The following LOXL4 variants were observed in gnomAD, a reference collection of about 807,000 sequenced individuals.
LOXL4 encodes the protein lysyl oxidase homolog 4.
A neutral mutation model predicts 89.1 loss-of-function variants in LOXL4; 72 were observed. That is an observed-to-expected ratio of 0.81 (90% CI 0.67 to 0.98). The LOEUF (loss-of-function observed/expected upper bound fraction) is 0.98, where lower values mean the gene tolerates loss of function less well. Ranked by LOEUF, LOXL4 falls within the 50% of genes least tolerant of loss-of-function variation. LOXL4 has a pLI of 0.00. For synonymous variants in LOXL4, 355 were observed against 392.1 expected (o/e 0.91, Z 1.12); for missense variants, 984 against 1,017.5 (o/e 0.97, Z 0.45).
Position 98,257,729 on chromosome 10 carries a change from TC to T in LOXL4, c.1180del (p.Glu394LysfsTer47). 6.2e-7 allele frequency: 1 copy of T among 1,614,122 alleles called. No individual in the cohort carries two copies. The highest frequency in any genetic ancestry group is 8.5e-7 in the Non-Finnish European group (1 of 1,180,002). ...ATGTTGGCAACCATTCTGGGACCCTTCCAGGGCAGGGCAGTCGCTGAGGGTC... is the reference window on the plus strand; with the variant it reads ...ATGTTGGCAACCATTCTGGGACCCTTCAGGGCAGGGCAGTCGCTGAGGGTC... ...ERTLSDCPAL[E>X]GSQNGCQHEN... On this transcript the variant is annotated frameshift_variant, in exon 8 of 15. Coordinates refer to ENST00000260702, the MANE Select transcript of LOXL4 (RefSeq NM_032211.7). LOFTEE classifies it high-confidence loss of function.
At position 98,262,119 on chromosome 10, in the gene LOXL4, G is replaced by C; in HGVS notation, c.372C>G (p.His124Gln). 1 of 1,613,362 alleles carries C rather than the reference G, an allele frequency of 6.2e-7. No homozygotes were observed. Among genetic ancestry groups the C allele is most frequent in the Non-Finnish European group, 8.5e-7 (1 of 1,179,946 alleles). The change falls in exon 3 of 15, where the codon CAC (histidine) becomes CAG (glutamine). Residue 124 changes from histidine (H) to glutamine (Q), a missense_variant. Transcript: ENST00000260702. ...GGCATATCACCCCTACGTCTTCTGA[G>C]TGACTGCAGTCACTGACTCCCCAGC... ...SNGWGVSDCSHSEDVGVICHP... is the reference protein window; with the variant it reads ...SNGWGVSDCSQSEDVGVICHP...
Position 98,261,937 on chromosome 10 carries a change from C to T in LOXL4, c.456+98G>A. The T allele has an allele frequency of 2.3e-6, 3 of 1,279,090 alleles. No homozygotes were observed. In the South Asian group the frequency reaches 4.8e-5, roughly 21 times the overall value. The allele number at this position is 1,279,090 out of a possible 1,614,324, so 79.2% of individuals were successfully genotyped here. On this transcript the variant is annotated intron_variant, in intron 3 of 14. Transcript: ENST00000260702. ...GGACGATGCTCAGTGCAGACTGCAC[C>T]CTTTCCCCTCGCTTATCCTCTAGGC...
At chr10:98,262,494 C>T (rs1858572839) in intron 2 of LOXL4, among the ~76,000 whole-genome samples, 1 of 152,198 alleles carries the variant, frequency 6.6e-6, no homozygotes, top group African/African-American at 2.4e-5. Context: ...ATTCTCTAAG[C>T]ACCCACTGTG....
chr10:98,255,537 G>A (rs1264293777), intron 10 of LOXL4, 40 bp downstream of exon 10: 2 of 1,574,640 alleles, frequency 1.3e-6, no homozygotes, highest in Admixed American at 3.4e-5. Flanking sequence ...GGGAGCACAG[G>A]CCTACCTGTC....
rs1398698679 is a variant in LOXL4 at position 98,262,905 on chromosome 10, T to C, written c.115A>G (p.Ser39Gly). ...TCCAGGCGGCCCTCCTCTGGCTTGCTCTCTGGGCCCACCAGCCGGAGCTTA... is the reference window on the plus strand; with the variant it reads ...TCCAGGCGGCCCTCCTCTGGCTTGCCCTCTGGGCCCACCAGCCGGAGCTTA... ...TTKLRLVGPE[S>G]KPEEGRLEVL... Residue 39 changes from serine (S) to glycine (G), a missense_variant, in exon 2 of 15, where the codon AGC (serine) becomes GGC (glycine). Coordinates refer to ENST00000260702, the MANE Select transcript of LOXL4 (RefSeq NM_032211.7). 6.2e-7 allele frequency: 1 copy of C among 1,613,590 alleles called. No homozygotes were observed. Among genetic ancestry groups the C allele is most frequent in the Middle Eastern group, 1.7e-4 (1 of 6,050 alleles).
At chr10:98,262,359 G>A (rs1858568986) in intron 2 of LOXL4, 146 bp from the exon 3 acceptor site, 2 of 793,974 alleles carry the variant, frequency 2.5e-6, no homozygotes, top group Non-Finnish European at 4.0e-6. Context: ...GTCTCCTGGG[G>A]AATAAGTATT....
intron 3 of LOXL4, 50 bp downstream of exon 3, chr10:98,261,984 GT>G (rs1858554156): frequency 6.5e-7 from 1 of 1,528,500 alleles, no homozygotes; most frequent in Non-Finnish European, 8.8e-7. Flanking sequence ...GAGGCTCTCT[GT>G]TCTCTGACCC....
At chr10:98,258,945 C>A (rs897525204) in intron 6 of LOXL4, 64 bp downstream of exon 6, 28 of 1,358,156 alleles carry the variant, frequency 2.1e-5, no homozygotes, top group African/African-American at 8.8e-5. Context: ...CCGCACCCCC[C>A]ACCAGGCAGT....
chr10:98,262,454 C>T (rs569000792), intron 2 of LOXL4, among the ~76,000 whole-genome samples: 2 of 152,322 alleles, frequency 1.3e-5, no homozygotes, highest in East Asian at 3.9e-4. Context: ...AGGAATCAGA[C>T]CTACCTGTTT....
intron 14 of LOXL4, among the ~76,000 whole-genome samples, chr10:98,249,321 GTT>G (rs1436060943): frequency 6.6e-6 from 1 of 151,762 alleles, no homozygotes; most frequent in Non-Finnish European, 1.5e-5. Flanking sequence ...CTCTTTTTTT[GTT>G]TGTTTGAGTT....
At chr10:98,257,248 T>C (rs2135833846) in intron 8 of LOXL4, among the ~76,000 whole-genome samples, 1 of 152,134 alleles carries the variant, frequency 6.6e-6, no homozygotes, top group Admixed American at 6.5e-5. Flanking sequence ...GTCCCTTGCC[T>C]CATTCACAGT....
At chr10:98,264,896 G>A (rs1427487158) in intron 1 of LOXL4, among the ~76,000 whole-genome samples, 1 of 152,198 alleles carries the variant, frequency 6.6e-6, no homozygotes, top group Non-Finnish European at 1.5e-5. Context: ...CAGCTCATCC[G>A]CTTGAGTGGG....
chr10:98,250,966 T>C (rs1007878613), intron 14 of LOXL4, 99 bp downstream of exon 14: 4 of 828,226 alleles, frequency 4.8e-6, no homozygotes, highest in African/African-American at 1.7e-5. Flanking sequence ...ACCACACACA[T>C]ACAAGTCACA....
chr10:98,257,425 C>A (rs572572820), intron 8 of LOXL4, among the ~76,000 whole-genome samples: 1 of 152,176 alleles, frequency 6.6e-6, no homozygotes, highest in Non-Finnish European at 1.5e-5. Flanking sequence ...ACAGGGGACC[C>A]GAGACGGGTA....
chr10:98,252,703 A>G (rs529649800), intron 11 of LOXL4, among the ~76,000 whole-genome samples: 1 of 152,290 alleles, frequency 6.6e-6, no homozygotes, highest in Admixed American at 6.5e-5. Context: ...AACCCAGGCA[A>G]GAGGTAGAAG....
intron 2 of LOXL4, 144 bp downstream of exon 2, chr10:98,262,599 T>C (rs1419968398): frequency 2.0e-6 from 2 of 1,015,896 alleles, no homozygotes; most frequent in Non-Finnish European, 2.9e-6. Flanking sequence ...GTAGGGGCCA[T>C]GTGCAGCTGA....
Position 98,262,738 on chromosome 10 carries a change from C to G in LOXL4, c.277+5G>C. ...CCATCCCACTAGGTGGCACCAGTCA[C>G]TCACCCTCCCCTTGGCCGTACTTGG... On this transcript the variant is annotated splice_donor_5th_base_variant and intron_variant, in intron 2 of 14. Coordinates refer to ENST00000260702, the MANE Select transcript of LOXL4 (RefSeq NM_032211.7). 1 of 1,609,012 alleles carries G rather than the reference C, an allele frequency of 6.2e-7. No homozygotes were observed. Among genetic ancestry groups the G allele is most frequent in the Non-Finnish European group, 8.5e-7 (1 of 1,176,776 alleles).
At chr10:98,259,589 C>T (rs757069460) in intron 4 of LOXL4, among the ~76,000 whole-genome samples, 160 bp from the exon 5 acceptor site, 19 of 152,222 alleles carry the variant, frequency 1.2e-4, no homozygotes, top group Admixed American at 1.0e-3. Flanking sequence ...GCAGCCCTGA[C>T]GGGGTGGCCA....
chr10:98,267,202 A>G (rs1057153278), intron 1 of LOXL4, among the ~76,000 whole-genome samples: 9 of 151,964 alleles, frequency 5.9e-5, no homozygotes, highest in African/African-American at 2.2e-4. Flanking sequence ...CCAAGAATGG[A>G]TGTTGGAAGA....
Sources: gnomAD v4.1 joint callset for allele counts (sites outside exome capture counted in the v4.1 genomes callset) on GRCh38, gnomAD v4.1.1 for gene constraint, MANE v1.5 for transcripts, NCBI Gene and HGNC (gene_info 2026-07-23, HGNC 2026-07-21) for gene names.